PXT1: variants seen among roughly 807,000 people sequenced by gnomAD.
PXT1 encodes the protein peroxisomal testis-specific protein 1.
Under a neutral mutation model 11.0 loss-of-function variants are expected in PXT1, and 11 were observed. The observed-to-expected ratio is 1.00, with a 90% CI of 0.63 to 1.66. The LOEUF is 1.66. Among genes scored for constraint, PXT1 ranks in the 40% most tolerant of loss-of-function variants. PXT1 has a pLI of 0.00. For synonymous variants in PXT1, 43 were observed against 51.4 expected (o/e 0.84, Z 0.70); for missense variants, 141 against 155.5 (o/e 0.91, Z 0.49).
intron 3 of PXT1, among the ~76,000 whole-genome samples, chr6:36,418,756 G>C (rs1365758578): frequency 6.6e-6 from 1 of 152,194 alleles, no homozygotes; most frequent in East Asian, 1.9e-4. Context: ...GAGTGCCTGA[G>C]GGCACTGGAG....
intron 1 of PXT1, among the ~76,000 whole-genome samples, chr6:36,442,293 T>G (rs575565410): frequency 6.6e-6 from 1 of 152,180 alleles, no homozygotes; most frequent in East Asian, 1.9e-4. Flanking sequence ...CCTCCCAAAG[T>G]GCAAGGATTA....
chr6:36,394,795 TAGA>T (rs1454491245), intron 4 of PXT1, among the ~76,000 whole-genome samples: 3 of 149,304 alleles, frequency 2.0e-5, no homozygotes, highest in Non-Finnish European at 4.4e-5. Context: ...AATGGCAAAA[TAGA>T]AGATTTTTTT....
chr6:36,437,468 A>G lies in PXT1; in HGVS notation c.-10+1299T>C, dbSNP rs544704331. On this transcript the variant is annotated intron_variant, in intron 2 of 4. Coordinates refer to ENST00000454782, the MANE Select transcript of PXT1 (RefSeq NM_152990.4). ...AATCCAGTTATAATGATCTGAATCT[A>G]GAACTTGTCTGTTTCACATATAAAC... Among the ~76,000 whole-genome samples the G allele has an allele frequency of 2.6e-5, 4 of 152,010 alleles. No homozygotes were observed. In the South Asian group the frequency reaches 8.3e-4, roughly 32 times the overall value.
chr6:36,426,960 A>G (rs1333546506), intron 2 of PXT1, among the ~76,000 whole-genome samples: 1 of 151,876 alleles, frequency 6.6e-6, no homozygotes, highest in Non-Finnish European at 1.5e-5. Flanking sequence ...TTTCCCCTCC[A>G]ATATTGTAGA....
chr6:36,404,528 C>T (rs1254650752), intron 3 of PXT1, among the ~76,000 whole-genome samples: 1 of 152,098 alleles, frequency 6.6e-6, no homozygotes, highest in African/African-American at 2.4e-5. Flanking sequence ...TGCCATGTTG[C>T]CCACACTGGT....
intron 3 of PXT1, among the ~76,000 whole-genome samples, chr6:36,417,017 A>G (rs1173287540): frequency 6.6e-6 from 1 of 152,226 alleles, no homozygotes; most frequent in African/African-American, 2.4e-5. Context: ...AGTGCAAATT[A>G]TTTAAGTTTA....
At chr6:36,439,537 C>A (rs979822381) in intron 1 of PXT1, among the ~76,000 whole-genome samples, 1 of 150,728 alleles carries the variant, frequency 6.6e-6, no homozygotes, top group Non-Finnish European at 1.5e-5. Context: ...CGCTTGAATC[C>A]GGGAGGTGGA....
chr6:36,394,742 T>TA (rs200617747), intron 4 of PXT1, among the ~76,000 whole-genome samples: 69 of 146,932 alleles, frequency 4.7e-4, no homozygotes, highest in Non-Finnish European at 7.1e-4. Context: ...AAAACTGAAT[T>TA]AAAAAAAAAA....
intron 3 of PXT1, among the ~76,000 whole-genome samples, chr6:36,420,152 G>A (rs1448021527): frequency 6.6e-6 from 1 of 152,144 alleles, no homozygotes; most frequent in Non-Finnish European, 1.5e-5. Context: ...AATTTAGATT[G>A]GTACAACCTA....
intron 2 of PXT1, among the ~76,000 whole-genome samples, chr6:36,432,356 C>G (rs1774705100): frequency 6.6e-6 from 1 of 152,128 alleles, no homozygotes; most frequent in Admixed American, 6.6e-5. Context: ...TTCAAAATAG[C>G]TGAGATCTTC....
intron 4 of PXT1, among the ~76,000 whole-genome samples, chr6:36,398,918 T>C (rs1472902898): frequency 6.6e-6 from 1 of 152,172 alleles, no homozygotes; most frequent in African/African-American, 2.4e-5. Context: ...ATTGTTCATC[T>C]GCCTTGTTAT....
At chr6:36,412,930 AT>A (rs1438851438) in intron 3 of PXT1, among the ~76,000 whole-genome samples, 4 of 152,068 alleles carry the variant, frequency 2.6e-5, no homozygotes, top group South Asian at 2.1e-4. Flanking sequence ...AAAAGAAAAA[AT>A]GTTAAGTCAA....
intron 3 of PXT1, among the ~76,000 whole-genome samples, chr6:36,425,433 T>C (rs532054074): frequency 2.0e-5 from 3 of 152,304 alleles, no homozygotes; most frequent in Admixed American, 2.0e-4. Context: ...CACTTTTAGA[T>C]TTTTGCCACC....
chr6:36,405,649 A>G (rs1774276514), intron 3 of PXT1, among the ~76,000 whole-genome samples: 1 of 152,198 alleles, frequency 6.6e-6, no homozygotes, highest in African/African-American at 2.4e-5. Flanking sequence ...AGTGTTTATA[A>G]AATCTACAGT....
intron 1 of PXT1, among the ~76,000 whole-genome samples, chr6:36,439,703 G>C (rs947617998): frequency 1.3e-5 from 2 of 150,758 alleles, no homozygotes; most frequent in Non-Finnish European, 3.0e-5. Flanking sequence ...AATGAGACTT[G>C]TGTGTTCATA....
intron 2 of PXT1, among the ~76,000 whole-genome samples, chr6:36,426,350 T>G (rs1157795145): frequency 2.1e-5 from 3 of 139,676 alleles, no homozygotes; most frequent in Non-Finnish European, 3.1e-5. Flanking sequence ...CTTCTCTCTC[T>G]CTCGCTTTTT....
chr6:36,424,463 A>G (rs560677125), intron 3 of PXT1, among the ~76,000 whole-genome samples: 111 of 151,558 alleles, frequency 7.3e-4, no homozygotes, highest in African/African-American at 2.6e-3. Context: ...AACACGGTGA[A>G]ACCCCGTCTC....
intron 2 of PXT1, among the ~76,000 whole-genome samples, chr6:36,433,819 T>A (rs1774726947): frequency 1.7e-5 from 1 of 58,218 alleles, no homozygotes. Context: ...CAAGACTCTG[T>A]CTCAGGAAAA....
At chr6:36,408,887 A>G (rs899655867) in intron 3 of PXT1, among the ~76,000 whole-genome samples, 1 of 151,720 alleles carries the variant, frequency 6.6e-6, no homozygotes, top group Non-Finnish European at 1.5e-5. Context: ...AAAAAAAAAA[A>G]TACTTTGTAA....
Sources: gnomAD v4.1 joint callset for allele counts (sites outside exome capture counted in the v4.1 genomes callset) on GRCh38, gnomAD v4.1.1 for gene constraint, MANE v1.5 for transcripts, NCBI Gene and HGNC (gene_info 2026-07-23, HGNC 2026-07-21) for gene names.